The following IDH3A variants were observed in gnomAD, a reference collection of about 807,000 sequenced individuals.
IDH3A encodes the protein isocitrate dehydrogenase [NAD] subunit alpha, mitochondrial.
A neutral mutation model predicts 43.3 loss-of-function variants in IDH3A; 23 were observed. The ratio of observed to expected loss-of-function variants is 0.53; its 90% CI spans 0.38 to 0.75. The LOEUF (loss-of-function observed/expected upper bound fraction) is 0.75. Ranked by LOEUF, IDH3A falls within the 30% of genes least tolerant of loss-of-function variation. IDH3A has a pLI of 0.00. For missense variants in IDH3A, 329 were observed against 474.4 expected (o/e 0.69, Z 2.85); for synonymous variants, 154 against 163.5 (o/e 0.94, Z 0.44).
In IDH3A at chr15:78,157,531, T is replaced by G. The variant is rs1165224707; in HGVS notation, c.91-17T>G. 6 of 1,561,098 alleles carry G rather than the reference T, an allele frequency of 3.8e-6. No individual in the cohort carries two copies. The highest frequency in any genetic ancestry group is 1.4e-5 in the African/African-American group (1 of 72,910). ...CAAAAATTCTTACTGTCTTCTTTGA[T>G]GATTTCTTATGTTCAGGTTCAGACA... is the stretch of plus-strand genomic sequence containing the variant. On this transcript the variant is annotated splice_polypyrimidine_tract_variant and intron_variant, in intron 2 of 10. Coordinates refer to ENST00000299518, the MANE Select transcript of IDH3A (RefSeq NM_005530.3).
intron 1 of IDH3A, among the ~76,000 whole-genome samples, chr15:78,154,191 A>G (rs770504811): frequency 0.045 from 6,701 of 149,000 alleles, 253 homozygotes; most frequent in African/African-American, 0.11. Flanking sequence ...GGAGAGAGAA[A>G]AAAAAAAAAA....
At chr15:78,160,047 CT>C (rs2074665697) in intron 3 of IDH3A, 44 bp from the exon 4 acceptor site, 1 of 1,200,854 alleles carries the variant, frequency 8.3e-7, no homozygotes, top group East Asian at 2.3e-5. Context: ...TGCCAGTTTC[CT>C]TTAAGTCTCT....
chr15:78,160,837 C>T (rs1045281840), intron 4 of IDH3A, among the ~76,000 whole-genome samples: 20 of 151,438 alleles, frequency 1.3e-4, no homozygotes, highest in African/African-American at 4.6e-4. Context: ...ATGTTTAAGG[C>T]CATAATTCAA....
At chr15:78,162,547 T>A (rs1287052874) in intron 6 of IDH3A, among the ~76,000 whole-genome samples, 180 bp downstream of exon 6, 1 of 49,794 alleles carries the variant, frequency 2.0e-5, no homozygotes, top group East Asian at 2.6e-4. Context: ...TCTCCTCTGT[T>A]TTTTTTTTTT....
At chr15:78,160,653 C>A (rs989771595) in intron 4 of IDH3A, among the ~76,000 whole-genome samples, 3 of 151,982 alleles carry the variant, frequency 2.0e-5, no homozygotes, top group Non-Finnish European at 4.4e-5. Context: ...CCATGCCCAA[C>A]TAATTTTTTA....
intron 1 of IDH3A, among the ~76,000 whole-genome samples, chr15:78,153,207 A>C (rs2074593947): frequency 6.6e-6 from 1 of 152,060 alleles, no homozygotes; most frequent in Non-Finnish European, 1.5e-5. Flanking sequence ...AGCAGTCCTG[A>C]GCTCAAGCCG....
intron 10 of IDH3A, chr15:78,168,718 G>A (rs2074780814): frequency 2.1e-6 from 1 of 485,604 alleles, no homozygotes; most frequent in Admixed American, 3.4e-5. Flanking sequence ...GCAGAGTGCT[G>A]TTGTATACAC....
intron 9 of IDH3A, among the ~76,000 whole-genome samples, chr15:78,165,807 G>A (rs1826175051): frequency 6.6e-6 from 1 of 152,068 alleles, no homozygotes; most frequent in South Asian, 2.1e-4. Flanking sequence ...TCCTGCCTCA[G>A]CCTCCCAAGT....
rs772677216 is a variant in IDH3A, at chr15:78,166,139, C to G, written c.865-11C>G. ...CTCTCCCTTGATGATGCTACTTTTC[C>G]CGATGTGTAGGTTCATGGGACGGCT... On this transcript the variant is annotated splice_polypyrimidine_tract_variant and intron_variant, in intron 9 of 10. Transcript: ENST00000299518. 1 of 1,612,216 alleles carries G rather than the reference C, an allele frequency of 6.2e-7. No homozygotes were observed. The highest frequency in any genetic ancestry group is 2.2e-5 in the East Asian group (1 of 44,826).
chr15:78,171,180 G>C lies in IDH3A; in HGVS notation c.*2175G>C. The C allele has an allele frequency of 9.7e-6, 3 of 308,730 alleles. No individual in the cohort carries two copies. Among genetic ancestry groups the C allele is most frequent in the Non-Finnish European group, 1.8e-5 (3 of 164,068 alleles). 19.1% of individuals were successfully genotyped at this position (308,730 alleles called of 1,614,324 possible). A position where few individuals can be genotyped will look rare whatever the true frequency, so the allele number is the denominator to read the frequency against. ...CAAAAATTATCAGCCCTTTCGTTCT[G>C]GAAGGAGAGCTGATCTCATTTGTCA... On this transcript the variant is annotated 3_prime_UTR_variant, in exon 11 of 11. Coordinates refer to ENST00000299518, the MANE Select transcript of IDH3A (RefSeq NM_005530.3).
rs377620256 is a variant in IDH3A at position 78,161,705 on chromosome 15, C to T, written c.414C>T (p.Thr138=). 32 of 1,613,930 alleles carry T rather than the reference C, an allele frequency of 2.0e-5. No individual in the cohort carries two copies. Among genetic ancestry groups the T allele is most frequent in the East Asian group, 8.9e-5 (4 of 44,898 alleles). ...TCGAAGGCTATAAAACCCCTTACAC[C>T]GATGTAAATATTGTGACCATTCGAG... ...VSIEGYKTPY[T]DVNIVTIREN... is the part of the protein sequence containing the mutation. Residue 138 remains threonine, a synonymous_variant, in exon 5 of 11, where the codon ACC becomes ACT. Coordinates refer to ENST00000299518, the MANE Select transcript of IDH3A (RefSeq NM_005530.3). The surrounding 1 kb of genome is among the most constrained non-coding windows in gnomAD (Gnocchi z 4.8).
At position 78,167,039 on chromosome 15, in the gene IDH3A, G is replaced by C. The variant is rs116253927; in HGVS notation, c.1017+737G>C. Among the ~76,000 whole-genome samples, 1,142 of 152,332 alleles carry C rather than the reference G, an allele frequency of 7.5e-3. 22 individuals are homozygous for C. Among genetic ancestry groups the C allele is most frequent in the African/African-American group, 0.025 (1,052 of 41,574 alleles). Reference sequence around the variant, plus strand: ...AATGATGAATAGGGTAAGATGCTGAGCCTCAAGGAGCTGGGAATCTAGTGG... The same window carrying C: ...AATGATGAATAGGGTAAGATGCTGACCCTCAAGGAGCTGGGAATCTAGTGG... On this transcript the variant is annotated intron_variant, in intron 10 of 10. Coordinates refer to ENST00000299518, the MANE Select transcript of IDH3A (RefSeq NM_005530.3).
At chr15:78,158,329 G>C (rs1284605582) in intron 3 of IDH3A, among the ~76,000 whole-genome samples, 1 of 151,240 alleles carries the variant, frequency 6.6e-6, no homozygotes, top group African/African-American at 2.4e-5. Flanking sequence ...GTCTGAGCTC[G>C]TGTCCTAGGA....
intron 1 of IDH3A, among the ~76,000 whole-genome samples, chr15:78,150,465 G>T (rs559793031): frequency 6.6e-6 from 1 of 152,178 alleles, no homozygotes; most frequent in Non-Finnish European, 1.5e-5. Context: ...CATTTTTTCG[G>T]TTTAAAGAGA....
intron 2 of IDH3A, among the ~76,000 whole-genome samples, chr15:78,156,576 C>G (rs1467845582): frequency 1.3e-5 from 2 of 152,166 alleles, no homozygotes; most frequent in Non-Finnish European, 2.9e-5. Context: ...GTCCACGTAT[C>G]TGGGCAGACA....
intron 6 of IDH3A, 147 bp from the exon 7 acceptor site, chr15:78,163,360 C>T (rs1369988239): frequency 6.8e-6 from 4 of 585,200 alleles, no homozygotes; most frequent in Non-Finnish European, 1.2e-5. Context: ...ATTTTATTAA[C>T]TACCTAAGAA....
intron 5 of IDH3A, 79 bp from the exon 6 acceptor site, chr15:78,162,155 C>A: frequency 2.7e-6 from 4 of 1,496,468 alleles, no homozygotes; most frequent in Non-Finnish European, 3.7e-6. Flanking sequence ...ACAAATGTTA[C>A]TGTCTACTCC....
rs1463628937 is a variant in IDH3A, at chr15:78,161,026, C to T, written c.290-555C>T. On this transcript the variant is annotated intron_variant, in intron 4 of 10. Transcript: ENST00000299518. This position sits in a 1 kb window ranked among gnomAD's most constrained non-coding sequence, Gnocchi z 4.8. ...CCTCCTAAGTAGCTGGGATTACAGGCACACACCACAACGCCCAGCTAATTT... is the reference window on the plus strand; with the variant it reads ...CCTCCTAAGTAGCTGGGATTACAGGTACACACCACAACGCCCAGCTAATTT... Among the ~76,000 whole-genome samples the T allele has an allele frequency of 1.3e-5, 2 of 152,200 alleles. No individual in the cohort carries two copies. The highest frequency in any genetic ancestry group is 4.8e-5 in the African/African-American group (2 of 41,460).
chr15:78,168,105 C>T (rs578159895), intron 10 of IDH3A: 2 of 152,064 alleles, frequency 1.3e-5, no homozygotes, highest in South Asian at 4.2e-4. Flanking sequence ...GTATGGGAGG[C>T]TTTCTTTCCT....
Sources: allele counts gnomAD v4.1 joint callset (sites outside exome capture counted in the v4.1 genomes callset), GRCh38; gene constraint gnomAD v4.1.1; non-coding constraint Gnocchi (gnomAD v3.1); transcripts MANE v1.5; gene names NCBI Gene and HGNC (gene_info 2026-07-23, HGNC 2026-07-21).